PLD5: variants seen among roughly 807,000 people sequenced by gnomAD.
PLD5 encodes inactive phospholipase D5.
A neutral mutation model predicts 61.1 loss-of-function variants in PLD5; 36 were observed. That is an observed-to-expected ratio of 0.59 (90% CI 0.45 to 0.78). The LOEUF is 0.78. Among genes scored for constraint, PLD5 ranks in the 30% least tolerant of loss-of-function variants. PLD5 has a pLI of 0.00. For synonymous variants in PLD5, 243 were observed against 242.8 expected, an observed-to-expected ratio of 1.00 and a Z score of -0.01; for missense variants, 515 against 644.4, an observed-to-expected ratio of 0.80 and a Z score of 2.17.
chr1:242,195,163 T>A (rs2148941051), intron 5 of PLD5, among the ~76,000 whole-genome samples: 1 of 152,320 alleles, frequency 6.6e-6, no homozygotes, highest in South Asian at 2.1e-4. Context: ...AAAGAGAAAC[T>A]CAGCAATATG....
intron 1 of PLD5, among the ~76,000 whole-genome samples, chr1:242,384,431 T>G (rs972632414): frequency 5.3e-5 from 8 of 152,184 alleles, no homozygotes; most frequent in African/African-American, 1.9e-4. Flanking sequence ...TTTAGAATGG[T>G]ATTCATAGTC....
At chr1:242,211,581 G>A (rs1669825011) in intron 5 of PLD5, among the ~76,000 whole-genome samples, 2 of 152,224 alleles carry the variant, frequency 1.3e-5, no homozygotes, top group South Asian at 2.1e-4. Flanking sequence ...GGTGCCGGCC[G>A]CCCCCTGGCC....
chr1:242,164,516 G>A (rs547312772), intron 5 of PLD5, among the ~76,000 whole-genome samples: 1 of 152,092 alleles, frequency 6.6e-6, no homozygotes, highest in African/African-American at 2.4e-5. Flanking sequence ...TGGAATTCAG[G>A]TCAAGAGCAA....
chr1:242,124,737 G>A (rs1662653942), intron 5 of PLD5, 72 bp from the exon 6 acceptor site: 1 of 1,258,140 alleles, frequency 7.9e-7, no homozygotes, highest in Admixed American at 2.2e-5. Context: ...AAAAAGGAAT[G>A]CATAAGAATG....
In PLD5 at chr1:242,089,824, C is replaced by T; in HGVS notation, c.*30G>A. ...GTCCTTTATGTATAAATATGAAATA[C>T]AGAGCTGTCCTGTCAGTTTCTTCAT... On this transcript the variant is annotated 3_prime_UTR_variant, in exon 10 of 10. Coordinates refer to ENST00000536534, the MANE Select transcript of PLD5 (RefSeq NM_001372062.1). The T allele has an allele frequency of 6.2e-7, 1 of 1,611,858 alleles. No homozygotes were observed. Among genetic ancestry groups the T allele is most frequent in the Middle Eastern group, 1.7e-4 (1 of 6,050 alleles).
At chr1:242,239,589 CCTT>C (rs1399297476) in intron 4 of PLD5, among the ~76,000 whole-genome samples, 1 of 152,128 alleles carries the variant, frequency 6.6e-6, no homozygotes, top group South Asian at 2.1e-4. Flanking sequence ...GTAAAGAAGT[CCTT>C]CTTCCTGTCT....
At chr1:242,211,819 C>T (rs547628315) in intron 5 of PLD5, among the ~76,000 whole-genome samples, 18 of 152,324 alleles carry the variant, frequency 1.2e-4, no homozygotes, top group African/African-American at 4.3e-4. Flanking sequence ...AGGGTTTCAT[C>T]ACAGGACAAC....
intron 5 of PLD5, among the ~76,000 whole-genome samples, chr1:242,131,639 T>A (rs887810788): frequency 2.6e-5 from 4 of 152,102 alleles, no homozygotes; most frequent in Non-Finnish European, 5.9e-5. Flanking sequence ...AAAATGAGTT[T>A]AATGTTTCAT....
chr1:242,107,663 ATACT>A lies in PLD5; in HGVS notation c.1239+4_1239+7del. 2 of 1,577,026 alleles carry A rather than the reference ATACT, an allele frequency of 1.3e-6. No homozygotes were observed. Among genetic ancestry groups the A allele is most frequent in the Non-Finnish European group, 1.7e-6 (2 of 1,165,872 alleles). On this transcript the variant is annotated splice_donor_5th_base_variant and intron_variant, in intron 8 of 9. Coordinates refer to ENST00000536534, the MANE Select transcript of PLD5 (RefSeq NM_001372062.1). ...TTTATTTAATAACACAGTCAACGTAATACTTACAACTTTCAAACTGCAGTTGGCT... is the reference window on the plus strand; with the variant it reads ...TTTATTTAATAACACAGTCAACGTAATACAACTTTCAAACTGCAGTTGGCT...
At chr1:242,377,189 C>G in intron 1 of PLD5, 1 of 1,611,580 alleles carries the variant, frequency 6.2e-7, no homozygotes, top group Non-Finnish European at 8.5e-7. Context: ...AGACGTGAGA[C>G]GTGTAGCAGA....
chr1:242,474,063 T>C (rs1395922787), intron 1 of PLD5, among the ~76,000 whole-genome samples: 1 of 152,218 alleles, frequency 6.6e-6, no homozygotes, highest in Non-Finnish European at 1.5e-5. Flanking sequence ...ATTACAAAAT[T>C]AATTCCAAGG....
intron 1 of PLD5, among the ~76,000 whole-genome samples, chr1:242,446,931 C>G (rs1345640740): frequency 2.0e-5 from 3 of 152,142 alleles, no homozygotes; most frequent in Admixed American, 6.5e-5. Flanking sequence ...CATTTATTCC[C>G]ACCCTGGCAT....
the PLD5 span, among the ~76,000 whole-genome samples, chr1:242,530,327 G>A: frequency 2.6e-5 from 4 of 152,246 alleles, 1 homozygote; most frequent in Non-Finnish European, 5.9e-5. Flanking sequence ...TTGGTCACAA[G>A]GTTTGGCCTT....
chr1:242,395,461 G>C lies in PLD5; in HGVS notation c.190-47219C>G, dbSNP rs555101344. 3.9e-5 allele frequency among the ~76,000 whole-genome samples: 6 copies of C among 152,108 alleles called. No individual in the cohort carries two copies. In the East Asian group the frequency reaches 9.7e-4, roughly 25 times the overall value. ...AATAGCTACTTTCTATTTTTCTAGG[G>C]AATCATTAGAGAATTAAGAAACAAG... On this transcript the variant is annotated intron_variant, in intron 1 of 9. Coordinates refer to ENST00000536534, the MANE Select transcript of PLD5 (RefSeq NM_001372062.1).
At chr1:242,135,373 C>T (rs1473042550) in intron 5 of PLD5, among the ~76,000 whole-genome samples, 1 of 152,134 alleles carries the variant, frequency 6.6e-6, no homozygotes, top group East Asian at 1.9e-4. Context: ...ATACCTTCTG[C>T]CACACCTACA....
intron 8 of PLD5, among the ~76,000 whole-genome samples, chr1:242,106,099 A>G (rs1470960343): frequency 1.3e-5 from 2 of 152,160 alleles, no homozygotes; most frequent in Non-Finnish European, 2.9e-5. Context: ...GAAGAGTTTT[A>G]TAATTGCTGT....
intron 4 of PLD5, among the ~76,000 whole-genome samples, chr1:242,242,012 G>GACACACAC (rs377737578): frequency 2.8e-5 from 3 of 106,042 alleles, no homozygotes; most frequent in African/African-American, 7.1e-5. Context: ...TATATATATA[G>GACACACAC]ACACACACAC....
Position 242,115,753 on chromosome 1 carries a change from T to C in PLD5, c.934-1727A>G, listed in dbSNP as rs188174214. ...GTTGAGAAAAGGTCATCGATAACAG[T>C]GAAGGAATATCTGAGGGAGCTATTA... On this transcript the variant is annotated intron_variant, in intron 6 of 9. Coordinates refer to ENST00000536534, the MANE Select transcript of PLD5 (RefSeq NM_001372062.1). Among the ~76,000 whole-genome samples, 488 of 151,890 alleles carry C rather than the reference T, an allele frequency of 3.2e-3. 7 individuals carry two copies. Among genetic ancestry groups the C allele is most frequent in the Non-Finnish European group, 2.0e-3 (135 of 67,944 alleles).
At chr1:242,525,271 C>T (rs1456251230), upstream of PLD5, among the ~76,000 whole-genome samples, 1 of 152,192 alleles carries the variant, frequency 6.6e-6, no homozygotes, top group Non-Finnish European at 1.5e-5. Flanking sequence ...CACGCGGGAC[C>T]GGTTGCTCCC....
Sources: gnomAD v4.1 joint callset for allele counts (sites outside exome capture counted in the v4.1 genomes callset) on GRCh38, gnomAD v4.1.1 for gene constraint, MANE v1.5 for transcripts, NCBI Gene and HGNC (gene_info 2026-07-23, HGNC 2026-07-21) for gene names.